LHFPL3: variants seen among roughly 807,000 people sequenced by gnomAD.
The protein encoded by LHFPL3 is LHFPL tetraspan subfamily member 3 protein.
In LHFPL3, 5 loss-of-function variants were observed where a neutral mutation model predicts 19.3. That is an observed-to-expected ratio of 0.26 (90% CI 0.14 to 0.54). The LOEUF (loss-of-function observed/expected upper bound fraction) is 0.54. LHFPL3 is among the 20% of genes least tolerant of loss of function. LHFPL3 has a pLI of 0.94. For synonymous variants in LHFPL3, 133 were observed against 126.2 expected, an observed-to-expected ratio of 1.05 and a Z score of -0.36; for missense variants, 249 against 307.4, an observed-to-expected ratio of 0.81 and a Z score of 1.42.
At chr7:104,332,499 G>A (rs1801588936) in intron 1 of LHFPL3, among the ~76,000 whole-genome samples, 1 of 151,854 alleles carries the variant, frequency 6.6e-6, no homozygotes, top group Non-Finnish European at 1.5e-5. Flanking sequence ...CCAAAGTGCT[G>A]GGATTACAGG....
At chr7:104,433,824 G>C (rs760307838) in intron 1 of LHFPL3, among the ~76,000 whole-genome samples, 31 of 152,000 alleles carry the variant, frequency 2.0e-4, no homozygotes, top group Admixed American at 1.9e-3. Flanking sequence ...ACTGACTTCT[G>C]TCTTCCCTTC....
chr7:104,488,531 C>T (rs979875307), intron 1 of LHFPL3, among the ~76,000 whole-genome samples: 1 of 150,556 alleles, frequency 6.6e-6, no homozygotes, highest in Non-Finnish European at 1.5e-5. Flanking sequence ...TATAATCTGT[C>T]TCTCTCTCTC....
At chr7:104,355,536 T>C (rs954792823) in intron 1 of LHFPL3, among the ~76,000 whole-genome samples, 1 of 152,246 alleles carries the variant, frequency 6.6e-6, no homozygotes, top group Non-Finnish European at 1.5e-5. Flanking sequence ...TGTTGTCTGT[T>C]TATTCACCTA....
chr7:104,573,341 G>A (rs1790263469), intron 1 of LHFPL3, among the ~76,000 whole-genome samples: 1 of 150,176 alleles, frequency 6.7e-6, no homozygotes, highest in Non-Finnish European at 1.5e-5. Flanking sequence ...GAACCTGGGA[G>A]GCGGAGGTTG....
At chr7:104,469,853 A>G (rs1170649843) in intron 1 of LHFPL3, among the ~76,000 whole-genome samples, 2 of 152,218 alleles carry the variant, frequency 1.3e-5, no homozygotes, top group African/African-American at 4.8e-5. Context: ...AATGATATAC[A>G]ATTACCATCC....
rs114764384 is a variant in LHFPL3 at position 104,410,530 on chromosome 7, G to A, written c.445+81306G>A. ...CATAAAATAATGAATGTGAAAACAA[G>A]TTAAAAGTTAACATAAATGTAGGTG... On this transcript the variant is annotated intron_variant, in intron 1 of 2. Coordinates refer to ENST00000424859, the MANE Select transcript of LHFPL3 (RefSeq NM_199000.3). Among the ~76,000 whole-genome samples the A allele has an allele frequency of 7.0e-3, 1,065 of 152,300 alleles. 12 individuals are homozygous for A. Among genetic ancestry groups the A allele is most frequent in the African/African-American group, 0.024 (1,016 of 41,550 alleles).
At chr7:104,409,506 T>C (rs1791492994) in intron 1 of LHFPL3, among the ~76,000 whole-genome samples, 1 of 151,980 alleles carries the variant, frequency 6.6e-6, no homozygotes, top group South Asian at 2.1e-4. Context: ...GTCCTGGCTA[T>C]TCAGGAGGCT....
At chr7:104,730,828 T>C (rs1438270866) in intron 1 of LHFPL3, among the ~76,000 whole-genome samples, 1 of 152,230 alleles carries the variant, frequency 6.6e-6, no homozygotes, top group Non-Finnish European at 1.5e-5. Flanking sequence ...CCCATGCCTA[T>C]GTCCTGAATT....
intron 1 of LHFPL3, among the ~76,000 whole-genome samples, chr7:104,605,895 T>C (rs913725155): frequency 2.0e-5 from 3 of 151,636 alleles, no homozygotes; most frequent in African/African-American, 4.8e-5. Flanking sequence ...ACAAGAAATA[T>C]TGAAAAGCTA....
At chr7:104,616,502 G>T (rs1328233485) in intron 1 of LHFPL3, among the ~76,000 whole-genome samples, 1 of 152,136 alleles carries the variant, frequency 6.6e-6, no homozygotes, top group Non-Finnish European at 1.5e-5. Flanking sequence ...ATGGATTAAA[G>T]ACTTAAATGT....
At chr7:104,461,599 T>G (rs1269565595) in intron 1 of LHFPL3, among the ~76,000 whole-genome samples, 1 of 152,134 alleles carries the variant, frequency 6.6e-6, no homozygotes, top group Non-Finnish European at 1.5e-5. Flanking sequence ...GTTGTTTTCG[T>G]TACTGTAGCC....
chr7:104,845,033 C>T (rs1791286743), intron 2 of LHFPL3, among the ~76,000 whole-genome samples: 1 of 152,258 alleles, frequency 6.6e-6, no homozygotes, highest in Non-Finnish European at 1.5e-5. Flanking sequence ...AGCCACCGCA[C>T]CCGGCCTCTA....
chr7:104,614,891 C>G (rs1791302712), intron 1 of LHFPL3, among the ~76,000 whole-genome samples: 1 of 151,688 alleles, frequency 6.6e-6, no homozygotes. Context: ...GCTGGGACCA[C>G]AGACACGTGC....
Position 104,772,777 on chromosome 7 carries a change from A to G in LHFPL3, c.682+35866A>G, listed in dbSNP as rs546210829. 1.3e-5 allele frequency among the ~76,000 whole-genome samples: 2 copies of G among 152,364 alleles called. 1 individual carries two copies. The highest frequency in any genetic ancestry group is 2.9e-5 in the Non-Finnish European group (2 of 68,032). On this transcript the variant is annotated intron_variant, in intron 2 of 2. Coordinates refer to ENST00000424859, the MANE Select transcript of LHFPL3 (RefSeq NM_199000.3). The stretch of plus-strand genomic sequence containing the variant: ...CATCCTGTGACGTATCCTACTCTCG[A>G]GGCAGGCAAACTGCATGCTCAATGG...
intron 2 of LHFPL3, among the ~76,000 whole-genome samples, chr7:104,817,410 G>A (rs1264463053): frequency 6.6e-6 from 1 of 151,968 alleles, no homozygotes; most frequent in Non-Finnish European, 1.5e-5. Context: ...AAAACAGCAG[G>A]GTTTTCTTGT....
At chr7:104,705,218 C>T (rs1199896142) in intron 1 of LHFPL3, among the ~76,000 whole-genome samples, 1 of 152,074 alleles carries the variant, frequency 6.6e-6, no homozygotes, top group Non-Finnish European at 1.5e-5. Context: ...AAACTTAAGT[C>T]TATCTTCAGA....
chr7:104,489,400 T>A (rs114813929), intron 1 of LHFPL3, among the ~76,000 whole-genome samples: 1 of 151,976 alleles, frequency 6.6e-6, no homozygotes, highest in African/African-American at 2.4e-5. Flanking sequence ...CATTTTGCAC[T>A]GGGTCTTGCA....
chr7:104,769,533 C>T (rs10263403), intron 2 of LHFPL3, among the ~76,000 whole-genome samples: 41,597 of 151,700 alleles, frequency 0.27, 6,637 homozygotes, highest in East Asian at 0.62. Flanking sequence ...TAGGTATACA[C>T]GTGCCATGGT....
intron 2 of LHFPL3, among the ~76,000 whole-genome samples, chr7:104,800,254 G>T (rs1790218593): frequency 6.6e-6 from 1 of 152,180 alleles, no homozygotes; most frequent in African/African-American, 2.4e-5. Flanking sequence ...GAACTTCAGA[G>T]AATTGTTTTT....
Sources: allele counts gnomAD v4.1 joint callset (sites outside exome capture counted in the v4.1 genomes callset), GRCh38; gene constraint gnomAD v4.1.1; transcripts MANE v1.5; gene names NCBI Gene and HGNC (gene_info 2026-07-23, HGNC 2026-07-21).